Variants in ATP8A1 observed in about 807,000 individuals in gnomAD.
The protein encoded by ATP8A1 is phospholipid-transporting ATPase IA.
In ATP8A1, 90 loss-of-function variants were observed where a neutral mutation model predicts 177.7. That is an observed-to-expected ratio of 0.51 (90% CI 0.43 to 0.60). The LOEUF (loss-of-function observed/expected upper bound fraction) is 0.60. Among genes scored for constraint, ATP8A1 ranks in the 20% least tolerant of loss-of-function variants. The pLI is 0.00. For missense variants in ATP8A1, 1,072 were observed against 1,392.8 expected (o/e 0.77, Z 3.67); for synonymous variants, 493 against 485.9 (o/e 1.01, Z -0.19).
chr4:42,534,047 C>T (rs1727538387), intron 20 of ATP8A1, among the ~76,000 whole-genome samples: 1 of 152,150 alleles, frequency 6.6e-6, no homozygotes, highest in South Asian at 2.1e-4. Context: ...CAGATCTTCC[C>T]TCTGACATAG....
chr4:42,472,456 A>G (rs1253168956), intron 25 of ATP8A1: 3 of 311,814 alleles, frequency 9.6e-6, no homozygotes, highest in Non-Finnish European at 1.9e-5. Context: ...TGTTACAAGA[A>G]AGAGAAATTT....
chr4:42,426,502 C>T (rs776718044), intron 33 of ATP8A1, among the ~76,000 whole-genome samples: 2 of 152,144 alleles, frequency 1.3e-5, no homozygotes, highest in African/African-American at 4.8e-5. Flanking sequence ...CTGGCACGGC[C>T]CTTCCCAGCT....
chr4:42,580,467 C>G (rs867205942), intron 10 of ATP8A1, among the ~76,000 whole-genome samples: 4 of 152,090 alleles, frequency 2.6e-5, no homozygotes, highest in Non-Finnish European at 5.9e-5. Flanking sequence ...TTTTACTGAA[C>G]GCAGCAACAA....
In ATP8A1 at chr4:42,581,580, A is replaced by T. The variant is rs948145675; in HGVS notation, c.834+41T>A. The T allele has an allele frequency of 3.5e-6, 5 of 1,430,000 alleles. No homozygotes were observed. In the African/African-American group the frequency reaches 7.0e-5, roughly 20 times the overall value. 88.6% of individuals were successfully genotyped at this position (1,430,000 alleles called of 1,614,324 possible). ...GAGATCTGTAAATCATACACTCACA[A>T]AAGCCTTAGGTCCAAAAGGTTTCAT... is the stretch of plus-strand genomic sequence containing the variant. On this transcript the variant is annotated intron_variant, in intron 10 of 36. Coordinates refer to ENST00000381668, the MANE Select transcript of ATP8A1 (RefSeq NM_006095.2).
chr4:42,521,629 GTTTC>G (rs551574286), intron 22 of ATP8A1, among the ~76,000 whole-genome samples: 53 of 152,184 alleles, frequency 3.5e-4, no homozygotes, highest in African/African-American at 1.1e-3. Flanking sequence ...TGTCACAATG[GTTTC>G]TTTATCTGTA....
intron 36 of ATP8A1, among the ~76,000 whole-genome samples, chr4:42,414,325 G>C (rs916359737): frequency 7.9e-5 from 12 of 152,190 alleles, no homozygotes; most frequent in African/African-American, 2.9e-4. Flanking sequence ...TAACAAGACA[G>C]GGGCAGCTTT....
intron 1 of ATP8A1, among the ~76,000 whole-genome samples, chr4:42,643,272 CAG>C (rs770189575): frequency 3.9e-5 from 6 of 152,238 alleles, no homozygotes; most frequent in Admixed American, 6.5e-5. Context: ...ATGAGGGAAA[CAG>C]AAGATGGAAA....
At chr4:42,464,613 A>T in intron 27 of ATP8A1, 77 bp downstream of exon 27, 1 of 811,612 alleles carries the variant, frequency 1.2e-6, no homozygotes, top group Non-Finnish European at 2.0e-6. Context: ...TAAAACCATG[A>T]GAAAACGTCT....
intron 32 of ATP8A1, among the ~76,000 whole-genome samples, chr4:42,443,995 G>A (rs1215056365): frequency 2.0e-5 from 3 of 152,202 alleles, no homozygotes; most frequent in South Asian, 2.1e-4. Flanking sequence ...TGCTCTCACC[G>A]AAACATGTCA....
chr4:42,591,419 A>T (rs1251814651), intron 6 of ATP8A1, among the ~76,000 whole-genome samples: 1 of 152,160 alleles, frequency 6.6e-6, no homozygotes, highest in Non-Finnish European at 1.5e-5. Context: ...TAAATATCTT[A>T]CTAACTTTAA....
intron 1 of ATP8A1, among the ~76,000 whole-genome samples, chr4:42,653,523 C>T (rs1433552507): frequency 1.3e-5 from 2 of 152,222 alleles, no homozygotes; most frequent in Non-Finnish European, 1.5e-5. Context: ...CACTCTAATA[C>T]TAATTCTGAC....
intron 15 of ATP8A1, among the ~76,000 whole-genome samples, chr4:42,559,496 G>C (rs1196195697): frequency 1.3e-5 from 2 of 152,050 alleles, no homozygotes; most frequent in Non-Finnish European, 2.9e-5. Flanking sequence ...TGTAATTGTA[G>C]GAAAATAGTA....
rs1045412180 is a variant in ATP8A1, at chr4:42,411,302, A to G, written c.*1614T>C. ...TCCTAATTTTAAATCTAGATTGAGA[A>G]AAAGGGTGAAAAGAATGTGAAAATA... On this transcript the variant is annotated 3_prime_UTR_variant, in exon 37 of 37. Transcript: ENST00000381668. 3 of 152,218 alleles carry G rather than the reference A, an allele frequency of 2.0e-5. No individual in the cohort carries two copies. Among genetic ancestry groups the G allele is most frequent in the African/African-American group, 7.2e-5 (3 of 41,466 alleles). The allele number at this position is 152,218 out of a possible 1,614,324, so 9.4% of individuals were successfully genotyped here.
intron 20 of ATP8A1, among the ~76,000 whole-genome samples, chr4:42,538,450 T>A (rs996641789): frequency 6.6e-6 from 1 of 151,964 alleles, no homozygotes; most frequent in African/African-American, 2.4e-5. Flanking sequence ...GCAAAAAATA[T>A]AATCAGGACA....
intron 6 of ATP8A1, chr4:42,594,205 T>A (rs1734488252): frequency 1.4e-6 from 1 of 732,444 alleles, no homozygotes; most frequent in Non-Finnish European, 2.3e-6. Flanking sequence ...CGTTTATTCC[T>A]TATTTCCTTG....
chr4:42,467,373 G>GC (rs1280488336), intron 25 of ATP8A1, among the ~76,000 whole-genome samples: 4 of 152,172 alleles, frequency 2.6e-5, no homozygotes, highest in Non-Finnish European at 5.9e-5. Flanking sequence ...ACTAGCCAGA[G>GC]CATCTGCTTC....
intron 5 of ATP8A1, 105 bp downstream of exon 5, chr4:42,615,928 C>G: frequency 1.8e-6 from 2 of 1,082,096 alleles, no homozygotes; most frequent in Non-Finnish European, 2.7e-6. Flanking sequence ...AAAACAAAAA[C>G]TTGAGATGCA....
At chr4:42,423,567 G>T in intron 34 of ATP8A1, 50 bp downstream of exon 34, 1 of 1,278,554 alleles carries the variant, frequency 7.8e-7, no homozygotes, top group South Asian at 1.4e-5. Context: ...AGAAATCTGA[G>T]GATGAATATG....
chr4:42,461,909 T>G (rs750964712), intron 27 of ATP8A1, among the ~76,000 whole-genome samples: 2 of 152,202 alleles, frequency 1.3e-5, no homozygotes, highest in East Asian at 1.9e-4. Context: ...TGCTGGTAAC[T>G]GGAGCAAAGG....
Sources: gnomAD v4.1 joint callset for allele counts (sites outside exome capture counted in the v4.1 genomes callset) on GRCh38, gnomAD v4.1.1 for gene constraint, MANE v1.5 for transcripts, NCBI Gene and HGNC (gene_info 2026-07-23, HGNC 2026-07-21) for gene names.